Variants in HTATIP2 observed in about 807,000 individuals in gnomAD.
HTATIP2 encodes the protein HIV-1 Tat interactive protein 2, also known as protein HTATIP2.
A neutral mutation model predicts 24.7 loss-of-function variants in HTATIP2; 26 were observed. That is an observed-to-expected ratio of 1.05 (90% CI 0.77 to 1.46). HTATIP2 has a LOEUF of 1.46. Ranked by LOEUF, HTATIP2 falls within the 40% of genes most tolerant of loss-of-function variation. The pLI is 0.00. For synonymous variants in HTATIP2, 99 were observed against 113.2 expected (o/e 0.87, Z 0.79); for missense variants, 284 against 289.6 (o/e 0.98, Z 0.14).
intron 3 of HTATIP2, among the ~76,000 whole-genome samples, chr11:20,379,736 G>T (rs16906187): frequency 0.019 from 2,866 of 152,126 alleles, 82 homozygotes; most frequent in African/African-American, 0.064. Flanking sequence ...ATCTATTCAG[G>T]GTGAAGGTAT....
chr11:20,364,106 T>C lies in HTATIP2; in HGVS notation c.-132T>C. On this transcript the variant is annotated 5_prime_UTR_variant, in exon 1 of 5. Coordinates refer to ENST00000451739, the MANE Select transcript of HTATIP2 (RefSeq NM_001098522.2). ...CCGCGCCCCGCACGTGACTCAGCAC[T>C]TTCCCCAGAGCCCGGACTGCGGAGA... 1 of 1,432,518 alleles carries C rather than the reference T, an allele frequency of 7.0e-7. No homozygotes were observed. Among genetic ancestry groups the C allele is most frequent in the Non-Finnish European group, 9.2e-7 (1 of 1,091,746 alleles). 88.7% of individuals were successfully genotyped at this position (1,432,518 alleles called of 1,614,324 possible).
At chr11:20,375,809 T>A (rs978288370) in intron 2 of HTATIP2, among the ~76,000 whole-genome samples, 1 of 152,074 alleles carries the variant, frequency 6.6e-6, no homozygotes, top group African/African-American at 2.4e-5. Flanking sequence ...TGGAAGTGAG[T>A]CTATATTCTG....
At chr11:20,374,604 C>T (rs1310427757) in intron 2 of HTATIP2, among the ~76,000 whole-genome samples, 1 of 152,200 alleles carries the variant, frequency 6.6e-6, no homozygotes, top group Non-Finnish European at 1.5e-5. Flanking sequence ...CTGCCTCGTT[C>T]TTTTACTTTT....
In HTATIP2 at chr11:20,376,563, G is replaced by A; in HGVS notation, c.304-17G>A. The stretch of plus-strand genomic sequence containing the variant: ...TTGCTGCTTTTTGGAAATAACTCAT[G>A]TCCTTTTCCCCCTTAGGAGGGATTT... On this transcript the variant is annotated splice_polypyrimidine_tract_variant and intron_variant, in intron 2 of 4. Transcript: ENST00000451739. The A allele has an allele frequency of 1.2e-6, 2 of 1,613,508 alleles. No individual in the cohort carries two copies. The highest frequency in any genetic ancestry group is 1.7e-6 in the Non-Finnish European group (2 of 1,179,826).
chr11:20,370,105 G>T (rs2064755620), intron 2 of HTATIP2, among the ~76,000 whole-genome samples: 1 of 152,320 alleles, frequency 6.6e-6, no homozygotes, highest in African/African-American at 2.4e-5. Flanking sequence ...CTCCTTGGGA[G>T]ATCCTGATGC....
chr11:20,378,775 C>T (rs1024387683), intron 3 of HTATIP2, among the ~76,000 whole-genome samples: 7 of 152,126 alleles, frequency 4.6e-5, no homozygotes, highest in Non-Finnish European at 1.0e-4. Context: ...CGGTGGCTCA[C>T]GCCTGTAATT....
chr11:20,368,850 G>T (rs1216232842), intron 2 of HTATIP2, among the ~76,000 whole-genome samples: 1 of 152,022 alleles, frequency 6.6e-6, no homozygotes, highest in Non-Finnish European at 1.5e-5. Context: ...TTTTTAATGG[G>T]GTTGGTTCTT....
chr11:20,382,104 A>G (rs927848381), intron 3 of HTATIP2, 74 bp from the exon 4 acceptor site: 4 of 907,498 alleles, frequency 4.4e-6, no homozygotes, highest in Non-Finnish European at 7.1e-6. Flanking sequence ...CAAAACCACA[A>G]ATTATTCTCT....
In HTATIP2 at chr11:20,382,162, T is replaced by G; in HGVS notation, c.442-16T>G. The stretch of plus-strand genomic sequence containing the variant: ...TGGTCGCGATTAAATACTGAAAATG[T>G]GTTTTTTCTTAATAGGGAGAAGTAG... On this transcript the variant is annotated splice_polypyrimidine_tract_variant and intron_variant, in intron 3 of 4. Coordinates refer to ENST00000451739, the MANE Select transcript of HTATIP2 (RefSeq NM_001098522.2). The G allele has an allele frequency of 6.6e-7, 1 of 1,504,410 alleles. No individual in the cohort carries two copies. Among genetic ancestry groups the G allele is most frequent in the African/African-American group, 1.4e-5 (1 of 72,868 alleles). The allele number at this position is 1,504,410 out of a possible 1,614,324, so 93.2% of individuals were successfully genotyped here.
chr11:20,376,593 G>T lies in HTATIP2; in HGVS notation c.317G>T (p.Arg106Leu). The T allele has an allele frequency of 6.2e-7, 1 of 1,613,820 alleles. No individual in the cohort carries two copies. ...TTTCCCCCTTAGGAGGGATTTGTTC[G>T]TGTTGACCGAGATTATGTGCTGAAG... ...RGKAGAEGFV[R>L]VDRDYVLKSA... is the part of the protein sequence containing the mutation. Residue 106 changes from arginine to leucine, a missense_variant, in exon 3 of 5, where the codon CGT (arginine) becomes CTT (leucine). Arg to Leu is a moderately radical substitution (Grantham distance 102). Coordinates refer to ENST00000451739, the MANE Select transcript of HTATIP2 (RefSeq NM_001098522.2).
rs374478159 is a variant in HTATIP2 at position 20,382,168 on chromosome 11, T to G, written c.442-10T>G. 6.5e-7 allele frequency: 1 copy of G among 1,542,650 alleles called. No homozygotes were observed. Among genetic ancestry groups the G allele is most frequent in the East Asian group, 2.2e-5 (1 of 44,584 alleles). The stretch of plus-strand genomic sequence containing the variant: ...CGATTAAATACTGAAAATGTGTTTT[T>G]TCTTAATAGGGAGAAGTAGAAGCCA... On this transcript the variant is annotated splice_polypyrimidine_tract_variant and intron_variant, in intron 3 of 4. Transcript: ENST00000451739.
At chr11:20,364,935 C>G (rs1457105160) in intron 1 of HTATIP2, among the ~76,000 whole-genome samples, 3 of 151,770 alleles carry the variant, frequency 2.0e-5, no homozygotes, top group Non-Finnish European at 1.5e-5. Flanking sequence ...CCTGACTTCC[C>G]AGGCTTGTGT....
In HTATIP2 at chr11:20,382,162, TG is replaced by T; in HGVS notation, c.442-15del. 6.6e-7 allele frequency: 1 copy of T among 1,504,410 alleles called. No homozygotes were observed. 93.2% of individuals were successfully genotyped at this position (1,504,410 alleles called of 1,614,324 possible). Reference sequence around the variant, plus strand: ...TGGTCGCGATTAAATACTGAAAATGTGTTTTTTCTTAATAGGGAGAAGTAGA... The same window carrying T: ...TGGTCGCGATTAAATACTGAAAATGTTTTTTTCTTAATAGGGAGAAGTAGA... On this transcript the variant is annotated splice_polypyrimidine_tract_variant and intron_variant, in intron 3 of 4. Transcript: ENST00000451739.
chr11:20,372,316 G>C (rs557344914), intron 2 of HTATIP2, among the ~76,000 whole-genome samples: 7 of 152,304 alleles, frequency 4.6e-5, no homozygotes, highest in Admixed American at 4.6e-4. Context: ...TACCTTGTTA[G>C]GATGAGTTGT....
At position 20,363,891 on chromosome 11, in the gene HTATIP2, C is replaced by A; in HGVS notation, c.-347C>A. The A allele has an allele frequency of 8.0e-7, 1 of 1,243,094 alleles. No homozygotes were observed. Among genetic ancestry groups the A allele is most frequent in the South Asian group, 4.0e-5 (1 of 25,188 alleles). 77.0% of individuals were successfully genotyped at this position (1,243,094 alleles called of 1,614,324 possible). ...CTGCTCCTGCTGCGTCGTGAGGACC[C>A]GGGGCCGGGGGCTGGCCCCAGGTAA... is the stretch of plus-strand genomic sequence containing the variant. On this transcript the variant is annotated 5_prime_UTR_variant, in exon 1 of 5. Coordinates refer to ENST00000451739, the MANE Select transcript of HTATIP2 (RefSeq NM_001098522.2).
At chr11:20,364,579 C>A (rs1242150786) in intron 1 of HTATIP2, 147 bp downstream of exon 1, 7 of 653,364 alleles carry the variant, frequency 1.1e-5, no homozygotes, top group Admixed American at 6.1e-5. Context: ...GTGAGAGTCC[C>A]TCCCAGAAGT....
intron 3 of HTATIP2, among the ~76,000 whole-genome samples, chr11:20,380,981 G>C (rs911740535): frequency 2.0e-5 from 3 of 152,148 alleles, no homozygotes; most frequent in African/African-American, 7.2e-5. Context: ...CAAATCTATA[G>C]AGATAGAAGG....
chr11:20,370,408 T>G (rs2064759284), intron 2 of HTATIP2, among the ~76,000 whole-genome samples: 1 of 152,208 alleles, frequency 6.6e-6, no homozygotes, highest in Non-Finnish European at 1.5e-5. Flanking sequence ...GGTTTCACCT[T>G]TTCATTTGTT....
chr11:20,382,609 A>G (rs1436420936), intron 4 of HTATIP2, among the ~76,000 whole-genome samples: 2 of 152,174 alleles, frequency 1.3e-5, no homozygotes. Flanking sequence ...TGGAAGTCCA[A>G]GATCAAGGTG....
Sources: allele counts gnomAD v4.1 joint callset (sites outside exome capture counted in the v4.1 genomes callset), GRCh38; gene constraint gnomAD v4.1.1; transcripts MANE v1.5; gene names NCBI Gene and HGNC (gene_info 2026-07-23, HGNC 2026-07-21).